Variants in NRXN1 observed in about 807,000 individuals in gnomAD.
NRXN1 encodes the protein neurexin-1.
Under a neutral mutation model 150.9 loss-of-function variants are expected in NRXN1, and 39 were observed. That is an observed-to-expected ratio of 0.26 (90% CI 0.20 to 0.34). NRXN1 has a LOEUF of 0.34. Ranked by LOEUF, NRXN1 falls within the 10% of genes least tolerant of loss-of-function variation. The pLI, the probability that NRXN1 is intolerant of heterozygous loss-of-function variation, is 1.00. For missense variants in NRXN1, 1,815 were observed against 1,949.9 expected, an observed-to-expected ratio of 0.93 and a Z score of 1.30; for synonymous variants, 924 against 757.0, an observed-to-expected ratio of 1.22 and a Z score of -3.62.
chr2:50,115,441 A>G (rs1159733507), intron 18 of NRXN1, among the ~76,000 whole-genome samples: 1 of 151,846 alleles, frequency 6.6e-6, no homozygotes, highest in East Asian at 1.9e-4. Flanking sequence ...AACAATGTAT[A>G]TGTACTTTCT....
chr2:50,429,790 C>A (rs1352353850), intron 17 of NRXN1, among the ~76,000 whole-genome samples: 1 of 152,058 alleles, frequency 6.6e-6, no homozygotes, highest in Non-Finnish European at 1.5e-5. Flanking sequence ...AGTTGTGCCC[C>A]ATCAATAGAA....
chr2:50,427,186 C>G (rs940873067), intron 17 of NRXN1, among the ~76,000 whole-genome samples: 1 of 151,990 alleles, frequency 6.6e-6, no homozygotes. Context: ...AATTATAATC[C>G]ATTGCTCTCA....
rs1704800485 is a variant in NRXN1 at position 50,784,422 on chromosome 2, GA to G, written c.832+137446del. Among the ~76,000 whole-genome samples the G allele has an allele frequency of 2.0e-5, 3 of 152,006 alleles. No individual in the cohort carries two copies. In the South Asian group the frequency reaches 6.2e-4, roughly 32 times the overall value. On this transcript the variant is annotated intron_variant, in intron 5 of 22. Transcript: ENST00000401669. ...GGCAGTAGAAGCAATGAATGCATAG[GA>G]GTGACCCTGGAGAAGAAGAATGTGG...
chr2:49,928,511 A>T (rs1028458451), intron 22 of NRXN1, among the ~76,000 whole-genome samples: 2 of 152,162 alleles, frequency 1.3e-5, no homozygotes, highest in African/African-American at 2.4e-5. Flanking sequence ...TATAGGGGGA[A>T]GATTTGACTT....
At chr2:50,925,904 T>A in intron 3 of NRXN1, 34 bp downstream of exon 3, 1 of 1,536,216 alleles carries the variant, frequency 6.5e-7, no homozygotes, top group African/African-American at 1.4e-5. Context: ...AAAGGACAAA[T>A]GAGAGTTGGA....
intron 17 of NRXN1, among the ~76,000 whole-genome samples, chr2:50,250,047 C>T (rs947943906): frequency 1.3e-5 from 2 of 152,136 alleles, no homozygotes; most frequent in African/African-American, 4.8e-5. Flanking sequence ...GACTGACTTG[C>T]TTTACTGACC....
At chr2:50,089,301 C>T (rs1343985315) in intron 19 of NRXN1, among the ~76,000 whole-genome samples, 1 of 152,166 alleles carries the variant, frequency 6.6e-6, no homozygotes, top group East Asian at 1.9e-4. Flanking sequence ...TCATTTTGCA[C>T]GTTCAGGTCC....
At chr2:50,892,620 T>G (rs1681241749) in intron 5 of NRXN1, among the ~76,000 whole-genome samples, 1 of 152,148 alleles carries the variant, frequency 6.6e-6, no homozygotes, top group South Asian at 2.1e-4. Flanking sequence ...TACCTTGACA[T>G]GGAATTCTTA....
chr2:50,613,149 G>GA (rs908803588), intron 8 of NRXN1, among the ~76,000 whole-genome samples: 1 of 151,980 alleles, frequency 6.6e-6, no homozygotes, highest in Admixed American at 6.6e-5. Flanking sequence ...AAATCAGGTA[G>GA]AAAAAAAATT....
chr2:50,696,920 T>G (rs1692977926), intron 5 of NRXN1, among the ~76,000 whole-genome samples: 1 of 152,182 alleles, frequency 6.6e-6, no homozygotes, highest in South Asian at 2.1e-4. Flanking sequence ...GATACATAAA[T>G]TCTTTAAACA....
At chr2:50,678,901 T>C (rs1046004227) in intron 5 of NRXN1, among the ~76,000 whole-genome samples, 3 of 152,042 alleles carry the variant, frequency 2.0e-5, no homozygotes, top group African/African-American at 7.2e-5. Context: ...AGATAGAGCT[T>C]AGAATGACTC....
intron 8 of NRXN1, among the ~76,000 whole-genome samples, chr2:50,583,361 T>A (rs1444907661): frequency 2.0e-5 from 3 of 152,118 alleles, no homozygotes; most frequent in Non-Finnish European, 4.4e-5. Flanking sequence ...TTTAACCTGA[T>A]TAACCTACTC....
At chr2:50,496,173 A>T in intron 14 of NRXN1, 78 bp from the exon 15 acceptor site, 2 of 1,169,652 alleles carry the variant, frequency 1.7e-6, no homozygotes, top group Non-Finnish European at 2.4e-6. Context: ...TTACAAATGG[A>T]GATTTTTTTT....
intron 2 of NRXN1, among the ~76,000 whole-genome samples, chr2:50,953,466 A>G (rs1227006734): frequency 6.6e-6 from 1 of 152,202 alleles, no homozygotes; most frequent in Non-Finnish European, 1.5e-5. Flanking sequence ...AACACATCAT[A>G]CATCATGTGA....
intron 17 of NRXN1, among the ~76,000 whole-genome samples, chr2:50,355,670 T>G (rs1353625933): frequency 6.6e-6 from 1 of 152,210 alleles, no homozygotes; most frequent in Non-Finnish European, 1.5e-5. Flanking sequence ...AATGTTAATA[T>G]ATATTTCCCC....
At chr2:50,718,966 TA>T (rs144755781) in intron 5 of NRXN1, among the ~76,000 whole-genome samples, 3,909 of 151,184 alleles carry the variant, frequency 0.026, 179 homozygotes, top group African/African-American at 0.089. Flanking sequence ...TTTGCATATA[TA>T]AAACTAATAT....
chr2:50,594,100 A>G (rs540471566), intron 8 of NRXN1, among the ~76,000 whole-genome samples: 22 of 152,292 alleles, frequency 1.4e-4, no homozygotes, highest in African/African-American at 5.1e-4. Context: ...AAGTTTCCTG[A>G]AGTCTCTCCA....
intron 2 of NRXN1, among the ~76,000 whole-genome samples, chr2:50,929,390 C>G (rs1687396449): frequency 6.6e-6 from 1 of 152,068 alleles, no homozygotes; most frequent in Non-Finnish European, 1.5e-5. Context: ...AATGTACAGA[C>G]AGTGGTCCAT....
At chr2:50,215,009 A>G (rs768031112) in intron 18 of NRXN1, among the ~76,000 whole-genome samples, 9 of 152,166 alleles carry the variant, frequency 5.9e-5, no homozygotes, top group Admixed American at 5.9e-4. Flanking sequence ...CCTGAATTGT[A>G]CATATCACAG....
Sources: gnomAD v4.1 joint callset for allele counts (sites outside exome capture counted in the v4.1 genomes callset) on GRCh38, gnomAD v4.1.1 for gene constraint, MANE v1.5 for transcripts, NCBI Gene and HGNC (gene_info 2026-07-23, HGNC 2026-07-21) for gene names.